AEBP2: variants seen among roughly 807,000 people sequenced by gnomAD.
The protein encoded by AEBP2 is zinc finger protein AEBP2.
In AEBP2, 10 loss-of-function variants were observed where a neutral mutation model predicts 50.8. The ratio of observed to expected loss-of-function variants is 0.20; its 90% CI spans 0.12 to 0.33. AEBP2 has a LOEUF of 0.33. Ranked by LOEUF, AEBP2 falls within the 10% of genes least tolerant of loss-of-function variation. The pLI, the probability that AEBP2 is intolerant of heterozygous loss-of-function variation, is 1.00. For missense variants in AEBP2, 570 were observed against 688.0 expected (o/e 0.83, Z 1.92); for synonymous variants, 296 against 261.3 (o/e 1.13, Z -1.28).
chr12:19,480,683 A>G (rs1024798105), intron 3 of AEBP2, among the ~76,000 whole-genome samples: 4 of 152,156 alleles, frequency 2.6e-5, no homozygotes, highest in African/African-American at 9.7e-5. Flanking sequence ...TTTTCTTTAT[A>G]GGTTATCTGA....
In AEBP2 at chr12:19,409,795, C is replaced by T. The variant is rs564965785; in HGVS notation, c.-17+5579C>T. 3.3e-5 allele frequency among the ~76,000 whole-genome samples: 5 copies of T among 152,266 alleles called. No homozygotes were observed. The East Asian group carries it at 9.7e-4, about 29-fold the overall frequency. Reference sequence around the variant, plus strand: ...GGGCTTTGCCTAGGAATCTTCTTTTCTAAGTTATAGAAAGTCAATTTAGTA... The same window carrying T: ...GGGCTTTGCCTAGGAATCTTCTTTTTTAAGTTATAGAAAGTCAATTTAGTA... On this transcript the variant is annotated intron_variant, in intron 1 of 3. Transcript: ENST00000538425.
intron 1 of AEBP2, chr12:19,404,289 C>G (rs961545904): frequency 6.6e-6 from 1 of 152,298 alleles, no homozygotes; most frequent in African/African-American, 2.4e-5. Context: ...CCCAGAGCCA[C>G]TCTTTCTCAC....
intron 2 of AEBP2, among the ~76,000 whole-genome samples, chr12:19,466,044 C>T (rs903096686): frequency 6.6e-6 from 1 of 151,838 alleles, no homozygotes. Flanking sequence ...CTGAGGAGGA[C>T]TTGATCATCC....
chr12:19,440,026 GAGC>G lies in AEBP2; in HGVS notation c.337_339del (p.Ser113del), dbSNP rs1460564416. The G allele has an allele frequency of 2.6e-6, 4 of 1,525,344 alleles. No homozygotes were observed. The highest frequency in any genetic ancestry group is 4.0e-5 in the Admixed American group (2 of 50,120). 94.5% of individuals were successfully genotyped at this position (1,525,344 alleles called of 1,614,324 possible). On this transcript the variant is annotated inframe_deletion, in exon 1 of 8. Transcript: ENST00000266508. ...AGGACGACGAGGAGGAGGAAGATGAGAGCAGCAGCAGCGGCGGGGGTGAGGAGG... is the reference window on the plus strand; with the variant it reads ...AGGACGACGAGGAGGAGGAAGATGAGAGCAGCAGCGGCGGGGGTGAGGAGG...
intron 1 of AEBP2, among the ~76,000 whole-genome samples, chr12:19,445,178 A>G (rs1948037744): frequency 2.0e-5 from 3 of 151,566 alleles, no homozygotes; most frequent in Non-Finnish European, 2.9e-5. Context: ...ACAGATGTAT[A>G]TAGAATCCAT....
At position 19,484,807 on chromosome 12, in the gene AEBP2, G is replaced by T. The variant is rs111594495; in HGVS notation, c.988-8993G>T. 5.1e-3 allele frequency among the ~76,000 whole-genome samples: 774 copies of T among 151,964 alleles called. 6 individuals are homozygous for T. Among genetic ancestry groups the T allele is most frequent in the African/African-American group, 0.014 (598 of 41,426 alleles). ...GTCTCTGAAGAAAAAAATGAAGGAG[G>T]TAGTAAATGAATAAATGAATGAATA... is the stretch of plus-strand genomic sequence containing the variant. On this transcript the variant is annotated intron_variant, in intron 3 of 7. Transcript: ENST00000266508.
chr12:19,460,818 C>A (rs1222044905), intron 1 of AEBP2, among the ~76,000 whole-genome samples: 1 of 151,986 alleles, frequency 6.6e-6, no homozygotes, highest in Non-Finnish European at 1.5e-5. Context: ...CCATGCCTGG[C>A]TAATTTTTTA....
At chr12:19,424,721 A>G (rs1424259593) in intron 1 of AEBP2, among the ~76,000 whole-genome samples, 7 of 151,952 alleles carry the variant, frequency 4.6e-5, no homozygotes, top group Non-Finnish European at 1.0e-4. Context: ...TAAAAAAAGT[A>G]CCCTAGCTAG....
chr12:19,430,296 C>T (rs2095750763), intron 1 of AEBP2, among the ~76,000 whole-genome samples: 1 of 152,060 alleles, frequency 6.6e-6, no homozygotes, highest in African/African-American at 2.4e-5. Flanking sequence ...AGATATGTGG[C>T]ATTATTTCTG....
chr12:19,489,650 C>G (rs967464070), intron 3 of AEBP2, among the ~76,000 whole-genome samples: 2 of 152,114 alleles, frequency 1.3e-5, no homozygotes, highest in Non-Finnish European at 2.9e-5. Context: ...TAAAACCATA[C>G]TCAGCAACAT....
rs1389204728 is a variant in AEBP2 at position 19,519,413 on chromosome 12, G to A, written c.*1296G>A. The A allele has an allele frequency of 4.6e-5, 7 of 152,526 alleles. No homozygotes were observed. The highest frequency in any genetic ancestry group is 1.7e-4 in the African/African-American group (7 of 41,434). 9.4% of individuals were successfully genotyped at this position (152,526 alleles called of 1,614,324 possible). On this transcript the variant is annotated 3_prime_UTR_variant, in exon 8 of 8. Transcript: ENST00000266508. ...CAGACTTAAGGGACTATGTACTACT[G>A]TTAATATCTCTAAGAACAAAACACA...
chr12:19,485,770 A>C (rs1310702679), intron 3 of AEBP2, among the ~76,000 whole-genome samples: 1 of 150,922 alleles, frequency 6.6e-6, no homozygotes, highest in East Asian at 2.0e-4. Context: ...CTCTGGGTTT[A>C]TACAGATCTA....
chr12:19,516,448 G>A (rs576770083), intron 7 of AEBP2, among the ~76,000 whole-genome samples: 18 of 152,294 alleles, frequency 1.2e-4, no homozygotes, highest in Admixed American at 5.2e-4. Flanking sequence ...GTTTCTGCCT[G>A]CATCCTGCTT....
At chr12:19,445,750 A>G (rs1352479888) in intron 1 of AEBP2, among the ~76,000 whole-genome samples, 1 of 152,226 alleles carries the variant, frequency 6.6e-6, no homozygotes, top group Non-Finnish European at 1.5e-5. Context: ...GATATGGTAG[A>G]CTAAAATATT....
At chr12:19,479,313 G>T (rs1182159753) in intron 3 of AEBP2, among the ~76,000 whole-genome samples, 1 of 152,172 alleles carries the variant, frequency 6.6e-6, no homozygotes, top group Non-Finnish European at 1.5e-5. Flanking sequence ...CGGTCTTGAT[G>T]ACCTGTCTAA....
chr12:19,444,434 A>G (rs1056682105), intron 1 of AEBP2, among the ~76,000 whole-genome samples: 23 of 152,242 alleles, frequency 1.5e-4, no homozygotes, highest in Admixed American at 1.3e-3. Flanking sequence ...GAATCAGTTA[A>G]TATATGAAAG....
chr12:19,440,809 G>GCGAGTTCTGTTAA, intron 1 of AEBP2: 1 of 1,506,428 alleles, frequency 6.6e-7, no homozygotes, highest in African/African-American at 1.4e-5. Flanking sequence ...GTCTCGCCTG[G>GCGAGTTCTGTTAA]ATTTAACAGA....
At chr12:19,472,328 T>C (rs4963537) in intron 2 of AEBP2, among the ~76,000 whole-genome samples, 3,270 of 152,302 alleles carry the variant, frequency 0.021, 41 homozygotes, top group East Asian at 0.043. Context: ...AATGATTCTT[T>C]CAAGATAATG....
Position 19,456,494 on chromosome 12 carries a change from A to G in AEBP2, c.672-6016A>G, listed in dbSNP as rs1418667472. The G allele has an allele frequency of 2.0e-6, 3 of 1,499,914 alleles. No individual in the cohort carries two copies. In the African/African-American group the frequency reaches 4.2e-5, roughly 21 times the overall value. The allele number at this position is 1,499,914 out of a possible 1,614,324, so 92.9% of individuals were successfully genotyped here. A position where few individuals can be genotyped will look rare whatever the true frequency, so the allele number is the denominator to read the frequency against. ...CTTCCAGCTTTTTACCAACATGGCG[A>G]TCCATCTTTTCCTTCAGCTCAGCAA... On this transcript the variant is annotated intron_variant, in intron 1 of 7. Transcript: ENST00000266508.
Sources: allele counts gnomAD v4.1 joint callset (sites outside exome capture counted in the v4.1 genomes callset), GRCh38; gene constraint gnomAD v4.1.1; transcripts MANE v1.5; gene names NCBI Gene and HGNC (gene_info 2026-07-23, HGNC 2026-07-21).